Variants in FRMD1 observed in about 807,000 individuals in gnomAD.
FRMD1 encodes FERM domain-containing protein 1.
FRMD1 carries 51 observed loss-of-function variants against 54.9 expected under a neutral mutation model. The ratio of observed to expected loss-of-function variants is 0.93; its 90% CI spans 0.74 to 1.17. FRMD1 has a LOEUF of 1.17. FRMD1 is among the 50% of genes most tolerant of loss of function. The pLI is 0.00. For synonymous variants in FRMD1, 324 were observed against 306.4 expected (o/e 1.06, Z -0.60); for missense variants, 729 against 743.0 (o/e 0.98, Z 0.22).
chr6:168,063,967 G>C (rs528225666), intron 5 of FRMD1, among the ~76,000 whole-genome samples: 1 of 152,168 alleles, frequency 6.6e-6, no homozygotes, highest in East Asian at 1.9e-4. Flanking sequence ...TGTCCCCCTC[G>C]GGTCCTCCCC....
upstream of FRMD1, chr6:168,081,449 AGAG>A (rs540342672): frequency 1.4e-3 from 2,172 of 1,535,612 alleles, 10 homozygotes; most frequent in Middle Eastern, 9.7e-3. Flanking sequence ...GCCGCGAGGA[AGAG>A]GAGACCACCG....
chr6:168,075,298 C>T lies in FRMD1; in HGVS notation c.251G>A (p.Cys84Tyr). 1 of 1,613,626 alleles carries T rather than the reference C, an allele frequency of 6.2e-7. No homozygotes were observed. Among genetic ancestry groups the T allele is most frequent in the Non-Finnish European group, 8.5e-7 (1 of 1,179,992 alleles). Residue 84 changes from cysteine to tyrosine, a missense_variant, in exon 2 of 11, where the codon TGC (cysteine) becomes TAC (tyrosine). Coordinates refer to ENST00000283309, the MANE Select transcript of FRMD1 (RefSeq NM_024919.6). ...CGCGTCTCTGATGCTCGCCACGTTG[C>T]ACACTTGCTGGAAAAGCTCGCGGCC... The part of the protein sequence containing the change: ...ATGRELFQQV[C>Y]NVASIRDAQF...
chr6:168,075,455 G>A (rs1800543152), intron 1 of FRMD1, 120 bp from the exon 2 acceptor site: 3 of 779,684 alleles, frequency 3.8e-6, no homozygotes, highest in Admixed American at 2.0e-5. Context: ...ATCCCCTGCA[G>A]GTAACAGGTC....
intron 10 of FRMD1, among the ~76,000 whole-genome samples, 161 bp downstream of exon 10, chr6:168,058,963 G>C (rs958158416): frequency 1.3e-5 from 2 of 152,192 alleles, no homozygotes; most frequent in African/African-American, 4.8e-5. Context: ...CAGTGCCCGA[G>C]AGCCTTGCTG....
intron 9 of FRMD1, 114 bp downstream of exon 9, chr6:168,060,647 G>T: frequency 9.5e-7 from 1 of 1,057,758 alleles, no homozygotes. Context: ...CTCACGTCTG[G>T]CCACTGGAGG....
chr6:168,089,779 TAGAAAATGGAACTC>T (rs1401539528), intron 1 of FRMD1, among the ~76,000 whole-genome samples: 4 of 152,144 alleles, frequency 2.6e-5, no homozygotes, highest in African/African-American at 9.7e-5. Context: ...CAGGTTTCAC[TAGAAAATGGAACTC>T]TGCTCCTAAA....
At chr6:168,072,800 T>C (rs2171983) in intron 2 of FRMD1, among the ~76,000 whole-genome samples, 133,957 of 152,186 alleles carry the variant, frequency 0.88, 58,998 homozygotes, top group Non-Finnish European at 0.9. Context: ...TCCCTCATTC[T>C]GTCCAGACTA....
upstream of FRMD1, among the ~76,000 whole-genome samples, chr6:168,079,440 C>G (rs1800766069): frequency 6.6e-6 from 1 of 152,258 alleles, no homozygotes; most frequent in Non-Finnish European, 1.5e-5. Context: ...CTGACAACCC[C>G]TATCTCCTCA....
At position 168,065,520 on chromosome 6, in the gene FRMD1, G is replaced by C. The variant is rs1265666246; in HGVS notation, c.462-463C>G. 12 of 988,520 alleles carry C rather than the reference G, an allele frequency of 1.2e-5. No individual in the cohort carries two copies. In the South Asian group the frequency reaches 5.1e-4, roughly 42 times the overall value. 61.2% of individuals were successfully genotyped at this position (988,520 alleles called of 1,614,324 possible). On this transcript the variant is annotated intron_variant, in intron 4 of 10. Coordinates refer to ENST00000283309, the MANE Select transcript of FRMD1 (RefSeq NM_024919.6). ...TTCATTAATCACAGGCCAGGTGGAG[G>C]CTCGCCCAAGATGCAGGTGCAAGAT...
chr6:168,083,214 C>G (rs1241181385), upstream of FRMD1, among the ~76,000 whole-genome samples: 1 of 152,340 alleles, frequency 6.6e-6, no homozygotes, highest in East Asian at 1.9e-4. Flanking sequence ...GCCCATCACC[C>G]GTCTCTGTGG....
At chr6:168,065,418 C>A (rs55848924) in intron 4 of FRMD1, 2 of 1,035,178 alleles carry the variant, frequency 1.9e-6, no homozygotes, top group Non-Finnish European at 2.3e-6. Context: ...AGGGCCTGGA[C>A]AACTTGAATC....
At chr6:168,062,630 G>T (rs1439691719) in intron 7 of FRMD1, 7 of 1,533,124 alleles carry the variant, frequency 4.6e-6, no homozygotes, top group East Asian at 4.9e-5. Context: ...AGCTGCATCT[G>T]CCCAGGCTTT....
At chr6:168,081,565 T>A, upstream of FRMD1, 1 of 1,454,792 alleles carries the variant, frequency 6.9e-7, no homozygotes, top group Middle Eastern at 1.8e-4. Context: ...GATAGAGGCC[T>A]GCTGAGAACA....
rs1799951886 is a variant in FRMD1 at position 168,064,968 on chromosome 6, AG to A, written c.550del (p.Leu184CysfsTer57). On this transcript the variant is annotated frameshift_variant, in exon 5 of 11. Coordinates refer to ENST00000283309, the MANE Select transcript of FRMD1 (RefSeq NM_024919.6). LOFTEE classifies it high-confidence loss of function. ...AGCCTGCAGCGCGCAGGCAGCCAGC[AG>A]GAAGTAGGCTTCCTCCCGGTGAGCG... ...QCAHREEAYF[L>X]LAACALQADL... The A allele has an allele frequency of 6.2e-7, 1 of 1,612,024 alleles. No individual in the cohort carries two copies. Among genetic ancestry groups the A allele is most frequent in the African/African-American group, 1.3e-5 (1 of 74,942 alleles).
rs531947766 is a variant in FRMD1, at chr6:168,057,292, G to C, written c.1455C>G (p.Gly485=). ...AGVSEEQHSH[G]LDDMQLHQLA... is the part of the protein sequence containing the mutation. ...GCTGGTGCAGCTGCATGTCGTCCAGGCCATGGCTGTGCTGCTCCTCACTGA... is the reference window on the plus strand; with the variant it reads ...GCTGGTGCAGCTGCATGTCGTCCAGCCCATGGCTGTGCTGCTCCTCACTGA... Residue 485 remains glycine, a synonymous_variant, in exon 11 of 11, where the codon GGC becomes GGG. Transcript: ENST00000283309. 6.2e-7 allele frequency: 1 copy of C among 1,612,260 alleles called. No homozygotes were observed. The highest frequency in any genetic ancestry group is 1.3e-5 in the African/African-American group (1 of 75,038).
intron 3 of FRMD1, 113 bp downstream of exon 3, chr6:168,067,254 G>A (rs1800085764): frequency 1.1e-5 from 8 of 698,966 alleles, no homozygotes; most frequent in East Asian, 5.3e-5. Flanking sequence ...ACGCATCCCC[G>A]CGGTCCCCCA....
Position 168,066,996 on chromosome 6 carries a change from C to T in FRMD1, c.385-165G>A, listed in dbSNP as rs145643773. The T allele has an allele frequency of 3.2e-4, 297 of 926,234 alleles. No individual in the cohort carries two copies. The African/African-American group carries it at 4.4e-3, about 14-fold the overall frequency. The allele number at this position is 926,234 out of a possible 1,614,324, so 57.4% of individuals were successfully genotyped here. ...AATTCGACTCATGGTATTTTCTACCCGGAGAACCCTGAGTGGGACGTGGTC... is the reference window on the plus strand; with the variant it reads ...AATTCGACTCATGGTATTTTCTACCTGGAGAACCCTGAGTGGGACGTGGTC... On this transcript the variant is annotated intron_variant, in intron 3 of 10. Coordinates refer to ENST00000283309, the MANE Select transcript of FRMD1 (RefSeq NM_024919.6).
intron 10 of FRMD1, among the ~76,000 whole-genome samples, chr6:168,057,904 G>A (rs11751104): frequency 0.26 from 39,082 of 152,164 alleles, 5,695 homozygotes; most frequent in African/African-American, 0.41. Context: ...GGTGGCAGGG[G>A]CAGGGGCAGG....
Position 168,064,934 on chromosome 6 carries a change from G to T in FRMD1, c.585C>A (p.Gly195=), listed in dbSNP as rs375257973. ...LAACALQADL[G]EHRESAHAGR... ...CGGCATGGGCCGACTCCCGGTGCTC[G>T]CCCAGGTCAGCCTGCAGCGCGCAGG... The change falls in exon 5 of 11, where the codon GGC becomes GGA. Residue 195 remains glycine, a synonymous_variant. Transcript: ENST00000283309. 1.2e-6 allele frequency: 2 copies of T among 1,609,004 alleles called. No homozygotes were observed. Among genetic ancestry groups the T allele is most frequent in the Non-Finnish European group, 1.7e-6 (2 of 1,178,456 alleles).
Sources: gnomAD v4.1 joint callset for allele counts (sites outside exome capture counted in the v4.1 genomes callset) on GRCh38, gnomAD v4.1.1 for gene constraint, MANE v1.5 for transcripts, NCBI Gene and HGNC (gene_info 2026-07-23, HGNC 2026-07-21) for gene names.